The following CHD9 variants were observed in gnomAD, a reference collection of about 807,000 sequenced individuals.
CHD9 encodes ATP-dependent chromatin remodeler CHD9.
In CHD9, 77 loss-of-function variants were observed where a neutral mutation model predicts 316.1. The observed-to-expected ratio is 0.24, with a 90% CI of 0.20 to 0.29. The LOEUF is 0.29. Among genes scored for constraint, CHD9 ranks in the 10% least tolerant of loss-of-function variants. CHD9 has a pLI of 1.00. For missense variants in CHD9, 2,763 were observed against 3,438.1 expected, an observed-to-expected ratio of 0.80 and a Z score of 4.91; for synonymous variants, 1,129 against 1,158.3, an observed-to-expected ratio of 0.97 and a Z score of 0.51.
chr16:53,202,603 C>T (rs2045559856), intron 2 of CHD9, among the ~76,000 whole-genome samples: 1 of 151,960 alleles, frequency 6.6e-6, no homozygotes, highest in African/African-American at 2.4e-5. Context: ...TTAACAAGTT[C>T]CTTTTTTCCC....
chr16:53,288,007 A>C lies in CHD9; in HGVS notation c.5240A>C (p.Asp1747Ala). 2 of 1,605,352 alleles carry C rather than the reference A, an allele frequency of 1.2e-6. No homozygotes were observed. The highest frequency in any genetic ancestry group is 1.7e-6 in the Non-Finnish European group (2 of 1,171,972). ...CCTGCCCCAGCCATCTTTAAAGATG[A>C]TATAGAGGTATGCATTGGATCATAT... ...YKPAPAIFKD[D>A]IEDDVSSPGD... Residue 1747 changes from aspartate to alanine, a missense_variant, in exon 27 of 39, where the codon GAT becomes GCT. Transcript: ENST00000447540.
At chr16:53,320,505 G>A (rs2057201000) in intron 37 of CHD9, among the ~76,000 whole-genome samples, 1 of 152,118 alleles carries the variant, frequency 6.6e-6, no homozygotes, top group South Asian at 2.1e-4. Context: ...CTGAGCGACA[G>A]AGTGAGACTC....
Position 53,324,543 on chromosome 16 carries a change from C to T in CHD9, c.8342C>T (p.Ala2781Val), listed in dbSNP as rs763914489. The change falls in exon 39 of 39, where the codon GCA (alanine) becomes GTA (valine). Residue 2781 changes from alanine to valine, a missense_variant. Coordinates refer to ENST00000447540, the MANE Select transcript of CHD9 (RefSeq NM_001308319.2). ...SSSPSTSSTA[A>V]LNTAAAANPL... The stretch of plus-strand genomic sequence containing the variant: ...TCTCCTTCCACATCCTCTACTGCTG[C>T]ATTAAATACAGCTGCAGCTGCCAAC... The T allele has an allele frequency of 8.7e-6, 14 of 1,613,550 alleles. No individual in the cohort carries two copies. The South Asian group carries it at 1.5e-4, about 18-fold the overall frequency.
intron 30 of CHD9, among the ~76,000 whole-genome samples, chr16:53,300,841 C>T (rs1276276773): frequency 6.6e-6 from 1 of 152,192 alleles, no homozygotes; most frequent in Admixed American, 6.5e-5. Context: ...TGCGGTGGCT[C>T]ACGCCTGTAA....
At chr16:53,090,146 C>T (rs1210849572) in intron 1 of CHD9, among the ~76,000 whole-genome samples, 1 of 152,172 alleles carries the variant, frequency 6.6e-6, no homozygotes, top group African/African-American at 2.4e-5. Flanking sequence ...TTCCAAAAAC[C>T]GGAGTCCCTC....
At position 53,146,413 on chromosome 16, in the gene CHD9, G is replaced by GTATATATATA. The variant is rs1361043895; in HGVS notation, c.-164-9512_-164-9511insATATATATAT. Among the ~76,000 whole-genome samples, 41 of 24,480 alleles carry GTATATATATA rather than the reference G, an allele frequency of 1.7e-3. 2 individuals are homozygous for GTATATATATA. The highest frequency in any genetic ancestry group is 9.3e-3 in the African/African-American group (36 of 3,852). 16.1% of individuals were successfully genotyped at this position (24,480 alleles called of 152,430 possible). Reference sequence around the variant, plus strand: ...CTCAAAAAAAAAAAATTGTGTGTGTGTGTATGTATATATATATATATATAA... The same window carrying GTATATATATA: ...CTCAAAAAAAAAAAATTGTGTGTGTGTATATATATATGTATGTATATATATATATATATAA... On this transcript the variant is annotated intron_variant, in intron 1 of 38. Transcript: ENST00000447540.
At chr16:53,151,207 TCCC>T (rs2041081657) in intron 1 of CHD9, among the ~76,000 whole-genome samples, 1 of 50,066 alleles carries the variant, frequency 2.0e-5, no homozygotes, top group African/African-American at 7.9e-5. Flanking sequence ...TCCCCTCCCC[TCCC>T]CTCCCCCCCT....
intron 10 of CHD9, 102 bp from the exon 11 acceptor site, chr16:53,235,083 C>T: frequency 1.2e-6 from 1 of 834,886 alleles, no homozygotes; most frequent in Admixed American, 3.0e-5. Flanking sequence ...TAACACTGTA[C>T]ACTGTTATGC....
intron 17 of CHD9, chr16:53,250,786 ATAGTCT>A (rs1449554629): frequency 6.6e-6 from 1 of 152,104 alleles, no homozygotes; most frequent in Non-Finnish European, 1.5e-5. Context: ...ATTATTCATC[ATAGTCT>A]TAATTGCATT....
At chr16:53,071,466 G>GGTTT (rs2034042630) in intron 1 of CHD9, among the ~76,000 whole-genome samples, 1 of 152,150 alleles carries the variant, frequency 6.6e-6, no homozygotes, top group Non-Finnish European at 1.5e-5. Flanking sequence ...TGTAAGAAAG[G>GGTTT]GTTTGCGAGT....
chr16:53,312,759 G>A (rs1327061120), intron 34 of CHD9, among the ~76,000 whole-genome samples: 1 of 152,190 alleles, frequency 6.6e-6, no homozygotes. Flanking sequence ...CTTACCATAT[G>A]AATTAAGTAC....
intron 36 of CHD9, among the ~76,000 whole-genome samples, chr16:53,315,274 A>G (rs1055554778): frequency 6.6e-6 from 1 of 152,168 alleles, no homozygotes; most frequent in Non-Finnish European, 1.5e-5. Flanking sequence ...CACTTCCAAT[A>G]TAGAGTACTA....
chr16:53,158,442 A>G (rs35712682), intron 2 of CHD9, among the ~76,000 whole-genome samples: 74,099 of 151,874 alleles, frequency 0.49, 18,818 homozygotes, highest in African/African-American at 0.6. Flanking sequence ...GTGGCCTTTG[A>G]TACCAGACTA....
At chr16:53,101,228 A>G (rs891727460) in intron 1 of CHD9, among the ~76,000 whole-genome samples, 7 of 151,600 alleles carry the variant, frequency 4.6e-5, no homozygotes, top group Admixed American at 2.6e-4. Context: ...AAACCTGCTG[A>G]CTGGAATAAA....
At chr16:53,180,767 G>A (rs1412588127) in intron 2 of CHD9, among the ~76,000 whole-genome samples, 1 of 152,008 alleles carries the variant, frequency 6.6e-6, no homozygotes, top group African/African-American at 2.4e-5. Flanking sequence ...CTGCCTCCCA[G>A]GTTCACGCCA....
At chr16:53,093,792 G>C (rs758538335) in intron 1 of CHD9, among the ~76,000 whole-genome samples, 6 of 152,130 alleles carry the variant, frequency 3.9e-5, no homozygotes, top group Non-Finnish European at 2.9e-5. Flanking sequence ...CTCCTGGCTC[G>C]TTTCTGTGCT....
At chr16:53,310,338 C>T (rs2056357617) in intron 34 of CHD9, among the ~76,000 whole-genome samples, 1 of 150,394 alleles carries the variant, frequency 6.6e-6, no homozygotes, top group Admixed American at 6.6e-5. Context: ...TTTTTTTTCA[C>T]CAGAAAATGG....
intron 31 of CHD9, among the ~76,000 whole-genome samples, chr16:53,305,160 C>G (rs2055840816): frequency 6.6e-6 from 1 of 152,168 alleles, no homozygotes; most frequent in Non-Finnish European, 1.5e-5. Context: ...CTCCCAGGTT[C>G]AAGCGATTCT....
intron 31 of CHD9, among the ~76,000 whole-genome samples, chr16:53,305,124 C>T (rs2055838787): frequency 6.6e-6 from 1 of 152,078 alleles, no homozygotes; most frequent in African/African-American, 2.4e-5. Flanking sequence ...TGCAATGGCA[C>T]GATCTCAGCT....
Sources: allele counts gnomAD v4.1 joint callset (sites outside exome capture counted in the v4.1 genomes callset), GRCh38; gene constraint gnomAD v4.1.1; transcripts MANE v1.5; gene names NCBI Gene and HGNC (gene_info 2026-07-23, HGNC 2026-07-21).